The following AGBL1 variants were observed in gnomAD, a reference collection of about 807,000 sequenced individuals.
AGBL1 encodes the protein AGBL carboxypeptidase 1.
AGBL1 carries 130 observed loss-of-function variants against 118.9 expected under a neutral mutation model. The observed-to-expected ratio is 1.09, with a 90% CI of 0.95 to 1.26. The LOEUF (loss-of-function observed/expected upper bound fraction) is 1.26. Among genes scored for constraint, AGBL1 ranks in the 50% most tolerant of loss-of-function variants. The pLI, the probability that AGBL1 is intolerant of heterozygous loss-of-function variation, is 0.00. For synonymous variants in AGBL1, 555 were observed against 478.9 expected (o/e 1.16, Z -2.08); for missense variants, 1,584 against 1,298.1 (o/e 1.22, Z -3.38).
At chr15:86,639,157 A>G (rs908492974) in intron 21 of AGBL1, among the ~76,000 whole-genome samples, 12 of 152,140 alleles carry the variant, frequency 7.9e-5, no homozygotes, top group Admixed American at 2.0e-4. Flanking sequence ...ACTGTATTCT[A>G]TTGGTTAGAA....
intron 5 of AGBL1, among the ~76,000 whole-genome samples, chr15:86,162,335 C>T (rs976166195): frequency 6.6e-6 from 1 of 152,172 alleles, no homozygotes; most frequent in Admixed American, 6.5e-5. Flanking sequence ...GATGACTCCT[C>T]CCTCCTGTGG....
Position 86,909,933 on chromosome 15 carries a change from T to A in AGBL1, c.*2639T>A, listed in dbSNP as rs527912280. The A allele has an allele frequency of 1.1e-4, 17 of 152,354 alleles. No individual in the cohort carries two copies. Among genetic ancestry groups the A allele is most frequent in the African/African-American group, 4.1e-4 (17 of 41,582 alleles). 9.4% of individuals were successfully genotyped at this position (152,354 alleles called of 1,614,324 possible). ...GCCAGGAACATGAAGTATTTGTTGATCCATCTATGTAACAAATGTATATTT... is the reference window on the plus strand; with the variant it reads ...GCCAGGAACATGAAGTATTTGTTGAACCATCTATGTAACAAATGTATATTT... On this transcript the variant is annotated 3_prime_UTR_variant, in exon 23 of 23. Transcript: ENST00000614907.
chr15:86,507,395 C>A (rs1383289015), intron 18 of AGBL1, among the ~76,000 whole-genome samples: 1 of 152,060 alleles, frequency 6.6e-6, no homozygotes, highest in African/African-American at 2.4e-5. Flanking sequence ...TCCATTCATT[C>A]TTTATCGATA....
Position 86,178,345 on chromosome 15 carries a change from C to G in AGBL1, c.488+19319C>G, listed in dbSNP as rs992157701. Among the ~76,000 whole-genome samples, 4 of 152,024 alleles carry G rather than the reference C, an allele frequency of 2.6e-5. No homozygotes were observed. The East Asian group carries it at 7.7e-4, about 29-fold the overall frequency. On this transcript the variant is annotated intron_variant, in intron 5 of 22. Coordinates refer to ENST00000614907, the MANE Select transcript of AGBL1 (RefSeq NM_001386094.1). ...AAACAAACAAACAAAAAATCCAATCCAGACTGATAAGAAAAAGAGAGAAGA... is the reference window on the plus strand; with the variant it reads ...AAACAAACAAACAAAAAATCCAATCGAGACTGATAAGAAAAAGAGAGAAGA...
At chr15:86,261,331 C>T (rs1469273661) in intron 9 of AGBL1, among the ~76,000 whole-genome samples, 2 of 152,056 alleles carry the variant, frequency 1.3e-5, no homozygotes, top group Non-Finnish European at 2.9e-5. Context: ...TGAAGGCAAG[C>T]AGGAATTGAT....
At chr15:87,009,127 C>T (rs1000527891) in intron 24 of AGBL1, among the ~76,000 whole-genome samples, 1 of 152,094 alleles carries the variant, frequency 6.6e-6, no homozygotes, top group Non-Finnish European at 1.5e-5. Context: ...TATCAGAGAC[C>T]TCTGCAGCAG....
rs191835217 is a variant in AGBL1, at chr15:86,728,028, T to C, written c.3158+53592T>C. Among the ~76,000 whole-genome samples, 281 of 152,318 alleles carry C rather than the reference T, an allele frequency of 1.8e-3. 2 individuals are homozygous for C. The highest frequency in any genetic ancestry group is 1.7e-3 in the Non-Finnish European group (113 of 68,022). ...TATGCAAATGATATACAGGGAAACA[T>C]TGTTTAGACCTTACTTCTAGCATGT... On this transcript the variant is annotated intron_variant, in intron 22 of 22. Transcript: ENST00000614907.
chr15:86,579,555 C>T (rs918175245), intron 21 of AGBL1, among the ~76,000 whole-genome samples: 1 of 152,008 alleles, frequency 6.6e-6, no homozygotes, highest in East Asian at 1.9e-4. Flanking sequence ...TTTTTGGGCA[C>T]TTATTGGGGA....
rs1236170133 is a variant in AGBL1, at chr15:86,910,585, A to G, written c.*3291A>G. 1.3e-5 allele frequency: 2 copies of G among 152,186 alleles called. No individual in the cohort carries two copies. Among genetic ancestry groups the G allele is most frequent in the Admixed American group, 6.5e-5 (1 of 15,274 alleles). The allele number at this position is 152,186 out of a possible 1,614,324, so 9.4% of individuals were successfully genotyped here. A position where few individuals can be genotyped will look rare whatever the true frequency, so the allele number is the denominator to read the frequency against. ...GTTTGAGGAGTGCCCCAGGTGTGAT[A>G]CTACTATATTTGAAGAGCAGAACGT... On this transcript the variant is annotated 3_prime_UTR_variant, in exon 23 of 23. Coordinates refer to ENST00000614907, the MANE Select transcript of AGBL1 (RefSeq NM_001386094.1).
intron 23 of AGBL1, among the ~76,000 whole-genome samples, chr15:86,924,326 A>T (rs188457412): frequency 1.4e-3 from 207 of 152,370 alleles, no homozygotes; most frequent in African/African-American, 4.7e-3. Flanking sequence ...AATCCCATTT[A>T]GGGTAGAAAG....
intron 22 of AGBL1, among the ~76,000 whole-genome samples, chr15:86,736,260 A>C (rs1475009695): frequency 6.6e-6 from 1 of 151,998 alleles, no homozygotes. Flanking sequence ...CATGCCTGTA[A>C]GCCCAGCTAC....
chr15:86,491,441 T>C (rs2082777446), intron 18 of AGBL1, among the ~76,000 whole-genome samples: 1 of 152,110 alleles, frequency 6.6e-6, no homozygotes, highest in Non-Finnish European at 1.5e-5. Flanking sequence ...CAGAGAGCTC[T>C]GGGAATTCTG....
intron 22 of AGBL1, among the ~76,000 whole-genome samples, chr15:86,897,718 CT>C (rs200601443): frequency 5.8e-5 from 8 of 136,864 alleles, no homozygotes; most frequent in Non-Finnish European, 8.0e-5. Flanking sequence ...TTTTAATCAC[CT>C]TTTTTTTTCT....
At chr15:86,688,106 A>G (rs2086094603) in intron 22 of AGBL1, among the ~76,000 whole-genome samples, 1 of 152,174 alleles carries the variant, frequency 6.6e-6, no homozygotes, top group African/African-American at 2.4e-5. Context: ...CAGGAGAAAC[A>G]ACAAGCGCAT....
At chr15:86,486,398 A>T (rs919041318) in intron 18 of AGBL1, among the ~76,000 whole-genome samples, 2 of 152,088 alleles carry the variant, frequency 1.3e-5, no homozygotes, top group Admixed American at 1.3e-4. Context: ...ATCCCTACTT[A>T]GGCAAAAGTA....
intron 23 of AGBL1, among the ~76,000 whole-genome samples, chr15:86,971,511 A>T (rs1388744931): frequency 6.6e-6 from 1 of 151,836 alleles, no homozygotes; most frequent in Admixed American, 6.6e-5. Context: ...GGGAGAGGGG[A>T]TGTGCTTTTT....
chr15:86,866,867 C>T (rs1452031458), intron 22 of AGBL1, among the ~76,000 whole-genome samples: 1 of 152,192 alleles, frequency 6.6e-6, no homozygotes, highest in African/African-American at 2.4e-5. Flanking sequence ...ACTATTTGCC[C>T]ATCTGACAGA....
intron 3 of AGBL1, among the ~76,000 whole-genome samples, chr15:86,148,930 T>C (rs924295560): frequency 2.4e-4 from 36 of 152,306 alleles, no homozygotes; most frequent in Middle Eastern, 3.4e-3. Context: ...GCGGATCTCT[T>C]GGCAGAAACC....
At chr15:86,418,113 CTTTCTACTAA>C (rs916884259) in intron 18 of AGBL1, among the ~76,000 whole-genome samples, 1 of 152,112 alleles carries the variant, frequency 6.6e-6, no homozygotes, top group African/African-American at 2.4e-5. Flanking sequence ...TTTCATTTGG[CTTTCTACTAA>C]TTTACATGGA....
Sources: gnomAD v4.1 joint callset for allele counts (sites outside exome capture counted in the v4.1 genomes callset) on GRCh38, gnomAD v4.1.1 for gene constraint, MANE v1.5 for transcripts, NCBI Gene and HGNC (gene_info 2026-07-23, HGNC 2026-07-21) for gene names.